GPHN: variants seen among roughly 807,000 people sequenced by gnomAD.
GPHN encodes the protein gephyrin.
In GPHN, 17 loss-of-function variants were observed where a neutral mutation model predicts 95.5. That is an observed-to-expected ratio of 0.18 (90% CI 0.12 to 0.27). The LOEUF (loss-of-function observed/expected upper bound fraction) is 0.27. Ranked by LOEUF, GPHN falls within the 10% of genes least tolerant of loss-of-function variation. The pLI, the probability that GPHN is intolerant of heterozygous loss-of-function variation, is 1.00. For missense variants in GPHN, 660 were observed against 978.1 expected, an observed-to-expected ratio of 0.67 and a Z score of 4.34; for synonymous variants, 320 against 322.5, an observed-to-expected ratio of 0.99 and a Z score of 0.08.
chr14:67,316,970 C>A, the GPHN span: 2 of 1,267,470 alleles, frequency 1.6e-6, no homozygotes, highest in Non-Finnish European at 2.3e-6. Context: ...ATGTGTGAAT[C>A]TGCATATTAG....
intron 10 of GPHN, among the ~76,000 whole-genome samples, chr14:67,028,031 C>G (rs1285110953): frequency 6.6e-6 from 1 of 152,080 alleles, no homozygotes; most frequent in Non-Finnish European, 1.5e-5. Context: ...CTTTATCCCC[C>G]ACACCATCCT....
the GPHN span, among the ~76,000 whole-genome samples, chr14:67,422,340 GC>G: frequency 4.6e-5 from 7 of 151,980 alleles, no homozygotes; most frequent in Non-Finnish European, 1.0e-4. Context: ...CCTGTCTTCT[GC>G]CCCCTGACCA....
At position 66,961,900 on chromosome 14, in the gene GPHN, G is replaced by GTATATATATATATA. The variant is rs767734322; in HGVS notation, c.829-3256_829-3243dup. On this transcript the variant is annotated intron_variant, in intron 8 of 22. Transcript: ENST00000478722. Reference sequence around the variant, plus strand: ...AACCAACCATTCTATCCCTGAATGTGTATATATATATATATATATATATAT... The same window carrying GTATATATATATATA: ...AACCAACCATTCTATCCCTGAATGTGTATATATATATATATATATATATATATATATATATATAT... Among the ~76,000 whole-genome samples the GTATATATATATATA allele has an allele frequency of 8.3e-4, 44 of 52,986 alleles. 5 individuals carry two copies. Among genetic ancestry groups the GTATATATATATATA allele is most frequent in the Non-Finnish European group, 1.6e-3 (36 of 22,464 alleles). The allele number at this position is 52,986 out of a possible 152,430, so 34.8% of individuals were successfully genotyped here.
the GPHN span, chr14:67,323,920 G>T: frequency 3.2e-6 from 2 of 621,598 alleles, no homozygotes; most frequent in Middle Eastern, 2.6e-4. Flanking sequence ...CTTTCAAACT[G>T]ATTATTTTTT....
At chr14:67,619,883 C>T in the GPHN span, 3 of 841,878 alleles carry the variant, frequency 3.6e-6, no homozygotes, top group African/African-American at 1.8e-5. Context: ...CGGACGCTGG[C>T]GCGGGTAGGT....
chr14:67,674,579 A>C, the GPHN span: 4 of 1,124,134 alleles, frequency 3.6e-6, no homozygotes, highest in Non-Finnish European at 4.7e-6. Flanking sequence ...CCCAGTGGCC[A>C]TAACGGCGAC....
chr14:67,349,129 T>C, the GPHN span: 5 of 1,606,702 alleles, frequency 3.1e-6, no homozygotes, highest in East Asian at 1.1e-4. Flanking sequence ...AAAGACTTTA[T>C]TTAGCAGACT....
the GPHN span, among the ~76,000 whole-genome samples, chr14:67,479,231 C>T: frequency 1.3e-5 from 2 of 151,528 alleles, no homozygotes; most frequent in Non-Finnish European, 1.5e-5. Context: ...CATGGTGAAA[C>T]CCTGTCTCTA....
intron 12 of GPHN, among the ~76,000 whole-genome samples, chr14:67,099,543 G>T (rs1043070715): frequency 1.5e-5 from 2 of 132,000 alleles, no homozygotes; most frequent in African/African-American, 3.7e-5. Context: ...AATGTAACAG[G>T]ATTCAAAAAA....
Position 66,906,373 on chromosome 14 carries a change from C to T in GPHN, c.390-9630C>T, listed in dbSNP as rs998118930. ...GGTTAAGGCAGGGACAGGTCTACTG[C>T]CAGGGCATGCAAAATGATGGAAAGC... On this transcript the variant is annotated intron_variant, in intron 5 of 22. Transcript: ENST00000478722. Among the ~76,000 whole-genome samples the T allele has an allele frequency of 5.9e-5, 9 of 152,140 alleles. 1 individual carries two copies.
At chr14:66,774,729 A>T (rs1197482875) in intron 2 of GPHN, among the ~76,000 whole-genome samples, 2 of 152,186 alleles carry the variant, frequency 1.3e-5, no homozygotes, top group Non-Finnish European at 1.5e-5. Flanking sequence ...TGATTTCCAT[A>T]ATTATATTAT....
downstream of GPHN, among the ~76,000 whole-genome samples, chr14:67,185,113 C>A (rs2083362000): frequency 6.6e-6 from 1 of 152,112 alleles, no homozygotes; most frequent in Non-Finnish European, 1.5e-5. Context: ...AAACTGTGAA[C>A]ATGAATTCTT....
Position 67,003,808 on chromosome 14 carries a change from T to G in GPHN, c.964-19825T>G, listed in dbSNP as rs2072411415. 2.6e-5 allele frequency among the ~76,000 whole-genome samples: 4 copies of G among 151,896 alleles called. No individual in the cohort carries two copies. In the South Asian group the frequency reaches 8.3e-4, roughly 32 times the overall value. On this transcript the variant is annotated intron_variant, in intron 9 of 22. Transcript: ENST00000478722. ...AATGATTCTTTATTCATTTGTTAAG[T>G]GCTACTTATTAAATACCCTCTGTTT... is the stretch of plus-strand genomic sequence containing the variant.
At chr14:67,514,640 C>T in the GPHN span, among the ~76,000 whole-genome samples, 1 of 152,264 alleles carries the variant, frequency 6.6e-6, no homozygotes, top group East Asian at 1.9e-4. Context: ...CACTCCCAAG[C>T]CCTGGCTCCC....
At chr14:66,615,652 C>T (rs2062980732) in intron 1 of GPHN, among the ~76,000 whole-genome samples, 1 of 150,346 alleles carries the variant, frequency 6.7e-6, no homozygotes, top group Admixed American at 6.6e-5. Context: ...AAAATTTTCT[C>T]CCATTCTGTA....
chr14:66,701,757 A>G (rs1406529414), intron 2 of GPHN, among the ~76,000 whole-genome samples: 4 of 152,180 alleles, frequency 2.6e-5, no homozygotes, highest in Non-Finnish European at 2.9e-5. Flanking sequence ...GCTAGAATCT[A>G]CTTAAGCCTA....
intron 4 of GPHN, among the ~76,000 whole-genome samples, chr14:66,876,252 C>T (rs1486935129): frequency 6.6e-6 from 1 of 152,012 alleles, no homozygotes; most frequent in Non-Finnish European, 1.5e-5. Context: ...CTAAAGCACT[C>T]TTTACAGGGA....
chr14:67,483,494 C>T, the GPHN span, among the ~76,000 whole-genome samples: 2 of 152,142 alleles, frequency 1.3e-5, no homozygotes, highest in African/African-American at 2.4e-5. Flanking sequence ...TGTGGAGAGA[C>T]AACAGGAAGC....
chr14:67,363,486 A>G, the GPHN span, among the ~76,000 whole-genome samples: 1 of 152,032 alleles, frequency 6.6e-6, no homozygotes, highest in African/African-American at 2.4e-5. Flanking sequence ...TCTAATTATA[A>G]TATATTTATG....
Sources: allele counts gnomAD v4.1 joint callset (sites outside exome capture counted in the v4.1 genomes callset), GRCh38; gene constraint gnomAD v4.1.1; transcripts MANE v1.5; gene names NCBI Gene and HGNC (gene_info 2026-07-23, HGNC 2026-07-21).